The following SPATA31H1 variants were observed in gnomAD, a reference collection of about 807,000 sequenced individuals.
SPATA31H1 encodes the protein spermatogenesis-associated protein 31H1.
chr2:27,572,862 C>G, the SPATA31H1 span: 5 of 397,912 alleles, frequency 1.3e-5, no homozygotes, highest in African/African-American at 8.3e-5. Context: ...CCTTGGGTCA[C>G]AGTTGCACTT....
chr2:27,548,188 C>T, the SPATA31H1 span, among the ~76,000 whole-genome samples: 1 of 151,404 alleles, frequency 6.6e-6, no homozygotes, highest in East Asian at 1.9e-4. Flanking sequence ...TCACCGTGGT[C>T]TGGATCTCCT....
chr2:27,539,101 CTTTTTTTTTTT>C, the SPATA31H1 span, among the ~76,000 whole-genome samples: 1 of 94,642 alleles, frequency 1.1e-5, no homozygotes, highest in African/African-American at 4.5e-5. Context: ...TCATCATTTT[CTTTTTTTTTTT>C]TTTTTTTTTT....
the SPATA31H1 span, chr2:27,576,008 A>G: frequency 2.5e-6 from 1 of 398,706 alleles, no homozygotes; most frequent in Non-Finnish European, 4.4e-6. Context: ...TAAAATCTGA[A>G]TTGACTCCAG....
At chr2:27,582,620 T>C in the SPATA31H1 span, 134 of 1,302,728 alleles carry the variant, frequency 1.0e-4, no homozygotes, top group Non-Finnish European at 1.3e-4. Context: ...CTCCAATTCC[T>C]GCGCCCCCAG....
the SPATA31H1 span, among the ~76,000 whole-genome samples, chr2:27,553,938 A>G: frequency 8.6e-5 from 13 of 151,944 alleles, 1 homozygote; most frequent in African/African-American, 3.2e-4. Flanking sequence ...AAAAGAAAAG[A>G]AATCTCATTA....
the SPATA31H1 span, among the ~76,000 whole-genome samples, chr2:27,539,169 A>G: frequency 6.2e-4 from 84 of 134,964 alleles, 2 homozygotes; most frequent in African/African-American, 2.4e-3. Context: ...GGGATTTGGC[A>G]GGGTCATAGG....
At chr2:27,571,375 G>A in the SPATA31H1 span, 2 of 398,242 alleles carry the variant, frequency 5.0e-6, no homozygotes, top group African/African-American at 4.1e-5. Flanking sequence ...CCGGAAGGTG[G>A]GAAATCTGTG....
the SPATA31H1 span, among the ~76,000 whole-genome samples, chr2:27,539,311 G>A: frequency 1.3e-5 from 2 of 148,400 alleles, no homozygotes; most frequent in Non-Finnish European, 3.0e-5. Context: ...AGGGAGTGGT[G>A]ATGACTCTTA....
chr2:27,576,974 G>A, the SPATA31H1 span: 2 of 1,614,070 alleles, frequency 1.2e-6, no homozygotes, highest in Admixed American at 1.7e-5. Flanking sequence ...AATATGCAGA[G>A]ATGATCCCAC....
At chr2:27,541,665 CCA>C in the SPATA31H1 span, among the ~76,000 whole-genome samples, 1 of 151,958 alleles carries the variant, frequency 6.6e-6, no homozygotes, top group Non-Finnish European at 1.5e-5. Context: ...AGAATATGAA[CCA>C]TTGTGTTGGA....
At chr2:27,569,520 C>A in the SPATA31H1 span, 1 of 398,842 alleles carries the variant, frequency 2.5e-6, no homozygotes, top group Non-Finnish European at 4.4e-6. Flanking sequence ...TGAGTCATCT[C>A]CATTATTGAT....
chr2:27,550,014 T>C, the SPATA31H1 span, among the ~76,000 whole-genome samples: 1 of 151,954 alleles, frequency 6.6e-6, no homozygotes, highest in Non-Finnish European at 1.5e-5. Flanking sequence ...TTTTTATAAA[T>C]TGACTTTCTA....
chr2:27,579,271 G>A, the SPATA31H1 span: 1 of 1,614,044 alleles, frequency 6.2e-7, no homozygotes, highest in Middle Eastern at 1.6e-4. Context: ...AATATTTTAG[G>A]GACCACTATG....
At chr2:27,543,676 G>C in the SPATA31H1 span, among the ~76,000 whole-genome samples, 1 of 151,858 alleles carries the variant, frequency 6.6e-6, no homozygotes, top group Non-Finnish European at 1.5e-5. Flanking sequence ...GATAGCTCTT[G>C]CTTTTCTTCT....
chr2:27,580,970 C>T, the SPATA31H1 span: 1 of 1,614,184 alleles, frequency 6.2e-7, no homozygotes, highest in Non-Finnish European at 8.5e-7. Flanking sequence ...GTATTGCTTT[C>T]CAAACTGCCT....
the SPATA31H1 span, among the ~76,000 whole-genome samples, chr2:27,560,876 C>A: frequency 6.6e-6 from 1 of 152,102 alleles, no homozygotes; most frequent in African/African-American, 2.4e-5. Context: ...CTTGAGCTGC[C>A]AAATATACAA....
At chr2:27,537,887 C>CT in the SPATA31H1 span, among the ~76,000 whole-genome samples, 2 of 152,096 alleles carry the variant, frequency 1.3e-5, no homozygotes, top group Non-Finnish European at 2.9e-5. Context: ...GTATTTTGAA[C>CT]TAGGGGGCTC....
chr2:27,578,824 G>A, the SPATA31H1 span: 1 of 1,614,128 alleles, frequency 6.2e-7, no homozygotes. Context: ...TCTGAATTAG[G>A]AGGACTTTGG....
the SPATA31H1 span, chr2:27,580,747 C>T: frequency 6.8e-6 from 11 of 1,614,114 alleles, no homozygotes; most frequent in Non-Finnish European, 9.3e-6. Context: ...AACTATTATC[C>T]AAAACAAAAT....
Sources: gnomAD v4.1 joint callset for allele counts (sites outside exome capture counted in the v4.1 genomes callset) on GRCh38, gnomAD v4.1.1 for gene constraint, MANE v1.5 for transcripts, NCBI Gene and HGNC (gene_info 2026-07-23, HGNC 2026-07-21) for gene names.